FBXL13: variants seen among roughly 807,000 people sequenced by gnomAD.
The protein encoded by FBXL13 is F-box and leucine-rich repeat protein 13.
Under a neutral mutation model 83.6 loss-of-function variants are expected in FBXL13, and 67 were observed. The ratio of observed to expected loss-of-function variants is 0.80; its 90% confidence interval spans 0.66 to 0.98. FBXL13 has a LOEUF of 0.98. Among genes scored for constraint, FBXL13 ranks in the 50% least tolerant of loss-of-function variants. FBXL13 has a pLI of 0.00. For missense variants in FBXL13, 822 were observed against 866.5 expected, an observed-to-expected ratio of 0.95 and a Z score of 0.64; for synonymous variants, 272 against 299.5, an observed-to-expected ratio of 0.91 and a Z score of 0.95.
At chr7:102,934,099 G>C in intron 8 of FBXL13, 1 of 1,614,154 alleles carries the variant, frequency 6.2e-7, no homozygotes, top group African/African-American at 1.3e-5. Context: ...ATCTCCATGA[G>C]AAATACTTAG....
rs1281476034 is a variant in FBXL13, at chr7:102,987,628, T to G, written c.496-19511A>C. Among the ~76,000 whole-genome samples the G allele has an allele frequency of 2.6e-5, 4 of 152,208 alleles. No individual in the cohort carries two copies. In the East Asian group the frequency reaches 7.7e-4, roughly 29 times the overall value. On this transcript the variant is annotated intron_variant, in intron 6 of 19. Coordinates refer to ENST00000313221, the Ensembl canonical transcript of FBXL13. ...CCTCACTATATGGCAAAACTTGAAATAATGTGAAATCCCACTTTATATTTA... is the reference window on the plus strand; with the variant it reads ...CCTCACTATATGGCAAAACTTGAAAGAATGTGAAATCCCACTTTATATTTA...
chr7:103,014,815 T>C (rs13232845), intron 6 of FBXL13, among the ~76,000 whole-genome samples: 1,662 of 143,148 alleles, frequency 0.012, 35 homozygotes, highest in African/African-American at 0.042. Flanking sequence ...CCCAGCTACT[T>C]GGGAGGCTGA....
intron 6 of FBXL13, 124 bp from the exon 8 acceptor site, chr7:102,968,241 G>A: frequency 1.7e-6 from 1 of 600,294 alleles, no homozygotes; most frequent in East Asian, 2.8e-5. Flanking sequence ...GTAATAATAA[G>A]GTAATCCATA....
At chr7:102,885,628 T>C (rs913427841) in intron 11 of FBXL13, among the ~76,000 whole-genome samples, 1 of 152,174 alleles carries the variant, frequency 6.6e-6, no homozygotes, top group Non-Finnish European at 1.5e-5. Flanking sequence ...TTTGATGAAG[T>C]TCAGTTTATC....
chr7:102,893,437 A>G lies in FBXL13; in HGVS notation c.1009-9125T>C, dbSNP rs566926037. Among the ~76,000 whole-genome samples the G allele has an allele frequency of 2.6e-5, 4 of 152,330 alleles. No individual in the cohort carries two copies. In the East Asian group the frequency reaches 7.7e-4, roughly 29 times the overall value. On this transcript the variant is annotated intron_variant, in intron 11 of 19. Coordinates refer to ENST00000313221, the Ensembl canonical transcript of FBXL13. ...CTCCAAGGTTACACAACTGGTTAGT[A>G]GCATAACAAGAAATAGATCCCAGGT...
intron 6 of FBXL13, among the ~76,000 whole-genome samples, chr7:103,022,301 T>G: frequency 2.1e-5 from 3 of 143,668 alleles, no homozygotes; most frequent in African/African-American, 5.2e-5. Context: ...GGACACAGGA[T>G]GGGGAACACC....
chr7:103,036,974 A>G (rs1026786149), intron 2 of FBXL13, among the ~76,000 whole-genome samples: 5 of 152,236 alleles, frequency 3.3e-5, no homozygotes, highest in African/African-American at 1.2e-4. Context: ...AACTTCATTA[A>G]GTAAAGTCCC....
intron 8 of FBXL13, among the ~76,000 whole-genome samples, chr7:102,951,295 C>T (rs1009298468): frequency 6.6e-6 from 1 of 151,196 alleles, no homozygotes; most frequent in Non-Finnish European, 1.5e-5. Flanking sequence ...GGTGAAACCC[C>T]ATCTCCACTA....
intron 11 of FBXL13, 191 bp downstream of exon 12, chr7:102,912,895 T>G: frequency 1.6e-6 from 1 of 636,134 alleles, no homozygotes; most frequent in South Asian, 2.4e-5. Context: ...GACACTCCAG[T>G]GGAAGGAAGC....
chr7:102,944,174 A>C, intron 8 of FBXL13: 1 of 1,551,790 alleles, frequency 6.4e-7, no homozygotes, highest in Middle Eastern at 1.7e-4. Flanking sequence ...GTATTAACTC[A>C]ATTACTCAGG....
chr7:103,020,063 C>T (rs1468295251), intron 6 of FBXL13, among the ~76,000 whole-genome samples: 1 of 152,160 alleles, frequency 6.6e-6, no homozygotes, highest in Admixed American at 6.5e-5. Context: ...AATATCCATG[C>T]AAAAATCCTC....
At chr7:102,851,501 CCTTCTTCTTTTCTTCTT>C (rs1396125682) in intron 17 of FBXL13, among the ~76,000 whole-genome samples, 1 of 128,234 alleles carries the variant, frequency 7.8e-6, no homozygotes, top group East Asian at 2.7e-4. Context: ...TTCTCCTTCT[CCTTCTTCTTTTCTTCTT>C]CCTCCTCCTC....
chr7:103,007,123 T>C (rs955228528), intron 6 of FBXL13, among the ~76,000 whole-genome samples: 3 of 152,128 alleles, frequency 2.0e-5, no homozygotes, highest in Admixed American at 6.5e-5. Flanking sequence ...CTAAGTTATA[T>C]AATATTTGTA....
At chr7:102,941,942 CAT>C (rs962385963) in intron 8 of FBXL13, among the ~76,000 whole-genome samples, 63 of 152,238 alleles carry the variant, frequency 4.1e-4, no homozygotes, top group Middle Eastern at 3.4e-3. Flanking sequence ...ATGTTTTTCA[CAT>C]GTTTCCCGTA....
chr7:102,962,805 G>A (rs1451325393), intron 8 of FBXL13, among the ~76,000 whole-genome samples: 7 of 149,544 alleles, frequency 4.7e-5, no homozygotes, highest in African/African-American at 1.7e-4. Context: ...ACACAGGAAG[G>A]GGAATATCAC....
chr7:103,029,494 A>C, intron 2 of FBXL13, 76 bp from the exon 4 acceptor site: 4 of 812,394 alleles, frequency 4.9e-6, no homozygotes, highest in Non-Finnish European at 5.4e-6. Context: ...CAAGATACTC[A>C]AGAAAAAGAG....
intron 14 of FBXL13, among the ~76,000 whole-genome samples, chr7:102,882,529 A>C (rs1056294737): frequency 6.6e-6 from 1 of 152,190 alleles, no homozygotes; most frequent in African/African-American, 2.4e-5. Context: ...TGGGAGGCTG[A>C]GGCAGGTGGA....
intron 11 of FBXL13, among the ~76,000 whole-genome samples, chr7:102,909,007 G>C (rs1445637887): frequency 2.0e-5 from 3 of 152,194 alleles, no homozygotes; most frequent in African/African-American, 7.2e-5. Flanking sequence ...CCAGACCCCA[G>C]GTGAGTCCTT....
At chr7:102,999,033 C>G (rs1016513938) in intron 6 of FBXL13, among the ~76,000 whole-genome samples, 1 of 151,702 alleles carries the variant, frequency 6.6e-6, no homozygotes, top group African/African-American at 2.4e-5. Context: ...TTTCTTCATT[C>G]AGTACGACGT....
Sources: allele counts gnomAD v4.1 joint callset (sites outside exome capture counted in the v4.1 genomes callset), GRCh38; gene constraint gnomAD v4.1.1; transcripts MANE v1.5; gene names NCBI Gene and HGNC (gene_info 2026-07-23, HGNC 2026-07-21).